The following LRRC8D variants were observed in gnomAD, a reference collection of about 807,000 sequenced individuals.
LRRC8D encodes the protein volume-regulated anion channel subunit LRRC8D.
In LRRC8D, 20 loss-of-function variants were observed where a neutral mutation model predicts 55.8. That is an observed-to-expected ratio of 0.36 (90% CI 0.25 to 0.52). The LOEUF is 0.52. Ranked by LOEUF, LRRC8D falls within the 20% of genes least tolerant of loss-of-function variation. LRRC8D has a pLI of 0.93. For synonymous variants in LRRC8D, 352 were observed against 377.0 expected, an observed-to-expected ratio of 0.93 and a Z score of 0.77; for missense variants, 651 against 1,030.8, an observed-to-expected ratio of 0.63 and a Z score of 5.05.
rs184732218 is a variant in LRRC8D, at chr1:89,920,392, G to A, written c.-2-12675G>A. ...AAAGCTTTTGGTGGTTAGCAAAATG[G>A]GTGGTTTTTGCCTAATGTGAAATCT... On this transcript the variant is annotated intron_variant, in intron 2 of 2. Coordinates refer to ENST00000337338, the MANE Select transcript of LRRC8D (RefSeq NM_001134479.2). 3.7e-3 allele frequency among the ~76,000 whole-genome samples: 562 copies of A among 152,126 alleles called. 3 individuals carry two copies. Among genetic ancestry groups the A allele is most frequent in the African/African-American group, 0.013 (532 of 41,518 alleles).
intron 2 of LRRC8D, among the ~76,000 whole-genome samples, chr1:89,865,495 T>G (rs1469665014): frequency 6.6e-6 from 1 of 152,048 alleles, no homozygotes; most frequent in Non-Finnish European, 1.5e-5. Flanking sequence ...TTATGTTGAT[T>G]TTTTAAAATA....
chr1:89,880,179 G>A (rs1662245780), intron 2 of LRRC8D, among the ~76,000 whole-genome samples: 5 of 150,852 alleles, frequency 3.3e-5, no homozygotes, highest in African/African-American at 9.8e-5. Flanking sequence ...GTGTAAGCAG[G>A]GAATGTTGAG....
intron 2 of LRRC8D, among the ~76,000 whole-genome samples, chr1:89,887,209 C>T (rs951668033): frequency 2.0e-5 from 3 of 152,144 alleles, no homozygotes; most frequent in Non-Finnish European, 2.9e-5. Flanking sequence ...CTTATGAAGT[C>T]CTTTGAGCAG....
At chr1:89,873,594 TATC>T (rs1340668122) in intron 2 of LRRC8D, among the ~76,000 whole-genome samples, 2 of 152,340 alleles carry the variant, frequency 1.3e-5, no homozygotes, top group East Asian at 1.9e-4. Flanking sequence ...AGAGGGGTGT[TATC>T]ATCAAAAACT....
chr1:89,906,238 A>G (rs1371771696), intron 2 of LRRC8D, among the ~76,000 whole-genome samples: 1 of 152,222 alleles, frequency 6.6e-6, no homozygotes, highest in Non-Finnish European at 1.5e-5. Context: ...ATAAAATGCT[A>G]AACAGAACAA....
chr1:89,869,103 C>T (rs987056869), intron 2 of LRRC8D, among the ~76,000 whole-genome samples: 28 of 152,050 alleles, frequency 1.8e-4, no homozygotes, highest in African/African-American at 2.4e-5. Flanking sequence ...GATGGGGTTT[C>T]GCTATGTTGG....
chr1:89,906,784 A>T (rs931731691), intron 2 of LRRC8D, among the ~76,000 whole-genome samples: 42 of 152,090 alleles, frequency 2.8e-4, no homozygotes, highest in African/African-American at 9.9e-4. Flanking sequence ...TGGAGTAATG[A>T]CTACAGAAGT....
chr1:89,915,288 C>G (rs1040554727), intron 2 of LRRC8D, among the ~76,000 whole-genome samples: 6 of 152,118 alleles, frequency 3.9e-5, no homozygotes, highest in Non-Finnish European at 8.8e-5. Context: ...CATTTGCAGT[C>G]TCTATCTAAA....
At chr1:89,881,185 T>C (rs1662273900) in intron 2 of LRRC8D, among the ~76,000 whole-genome samples, 1 of 152,186 alleles carries the variant, frequency 6.6e-6, no homozygotes, top group Admixed American at 6.5e-5. Flanking sequence ...TCCTTTATGG[T>C]TCTTTACATC....
intron 1 of LRRC8D, among the ~76,000 whole-genome samples, chr1:89,823,850 T>C (rs1346834582): frequency 6.6e-6 from 1 of 152,170 alleles, no homozygotes; most frequent in South Asian, 2.1e-4. Flanking sequence ...TTATGAAGTA[T>C]GCTGAGGGAG....
intron 1 of LRRC8D, among the ~76,000 whole-genome samples, chr1:89,831,471 CAGAG>C (rs995616118): frequency 6.6e-6 from 1 of 151,736 alleles, no homozygotes; most frequent in African/African-American, 2.4e-5. Flanking sequence ...GGGACACACA[CAGAG>C]AGAGAAGGAA....
chr1:89,853,516 C>A (rs1394058370), intron 2 of LRRC8D, among the ~76,000 whole-genome samples: 1 of 152,200 alleles, frequency 6.6e-6, no homozygotes, highest in Non-Finnish European at 1.5e-5. Context: ...AAAGTGACAA[C>A]ATTGAGTACC....
rs2101003818 is a variant in LRRC8D, at chr1:89,934,283, T to C, written c.1215T>C (p.Ser405=). ...TCGAAAAAGTCAGAGAAGAGAGCAG[T>C]TTTAGTGACATTCCAGATGTCAAAA... ...YSFEKVREES[S]FSDIPDVKND... The change falls in exon 3 of 3, where the codon AGT becomes AGC. Residue 405 remains serine (S), a synonymous_variant. Transcript: ENST00000337338. This position sits in a 1 kb window ranked among gnomAD's most constrained non-coding sequence, Gnocchi z 5.9. 6.2e-7 allele frequency: 1 copy of C among 1,614,152 alleles called. No individual in the cohort carries two copies. Among genetic ancestry groups the C allele is most frequent in the African/African-American group, 1.3e-5 (1 of 75,058 alleles).
intron 2 of LRRC8D, among the ~76,000 whole-genome samples, chr1:89,900,957 G>T (rs1662834255): frequency 6.6e-6 from 1 of 152,192 alleles, no homozygotes; most frequent in Admixed American, 6.5e-5. Flanking sequence ...TGTCAGGGGT[G>T]CATAATTCTT....
At chr1:89,859,655 A>G (rs543105800) in intron 2 of LRRC8D, among the ~76,000 whole-genome samples, 2 of 152,328 alleles carry the variant, frequency 1.3e-5, no homozygotes, top group South Asian at 4.1e-4. Flanking sequence ...GTGAACCATA[A>G]TAACTACTCT....
intron 2 of LRRC8D, among the ~76,000 whole-genome samples, chr1:89,921,628 TC>T (rs1193395308): frequency 6.6e-6 from 1 of 152,178 alleles, no homozygotes; most frequent in African/African-American, 2.4e-5. Flanking sequence ...CACTACAACC[TC>T]CGCCTCCCAA....
At position 89,934,353 on chromosome 1, in the gene LRRC8D, C is replaced by T; in HGVS notation, c.1285C>T (p.Leu429=). The T allele has an allele frequency of 6.2e-7, 1 of 1,613,840 alleles. No individual in the cohort carries two copies. The highest frequency in any genetic ancestry group is 1.1e-5 in the South Asian group (1 of 91,082). Reference sequence around the variant, plus strand: ...TCACATGGTAGACCAGTATGACCAGCTATATTCCAAGCGTTTTGGTGTGTT... The same window carrying T: ...TCACATGGTAGACCAGTATGACCAGTTATATTCCAAGCGTTTTGGTGTGTT... ...LLHMVDQYDQ[L]YSKRFGVFLS... is the part of the protein sequence containing the mutation. The change falls in exon 3 of 3, where the codon CTA becomes TTA. Residue 429 remains leucine (L), a synonymous_variant. Transcript: ENST00000337338. This position sits in a 1 kb window ranked among gnomAD's most constrained non-coding sequence, Gnocchi z 5.9.
At chr1:89,931,139 A>T (rs1245086616) in intron 2 of LRRC8D, among the ~76,000 whole-genome samples, 1 of 151,082 alleles carries the variant, frequency 6.6e-6, no homozygotes, top group African/African-American at 2.4e-5. Context: ...CTTACATAAG[A>T]GATAATTTTG....
intron 2 of LRRC8D, among the ~76,000 whole-genome samples, chr1:89,918,334 TCAACACTTGCA>T (rs1663326349): frequency 6.6e-6 from 1 of 152,238 alleles, no homozygotes; most frequent in South Asian, 2.1e-4. Context: ...GGGCACTTGC[TCAACACTTGCA>T]CATGGTATTC....
Sources: gnomAD v4.1 joint callset for allele counts (sites outside exome capture counted in the v4.1 genomes callset) on GRCh38, gnomAD v4.1.1 for gene constraint, Gnocchi (gnomAD v3.1) non-coding constraint, MANE v1.5 for transcripts, NCBI Gene and HGNC (gene_info 2026-07-23, HGNC 2026-07-21) for gene names.